LAMA1: variants seen among roughly 807,000 people sequenced by gnomAD.
LAMA1 encodes laminin subunit alpha-1.
A neutral mutation model predicts 348.7 loss-of-function variants in LAMA1; 219 were observed. The ratio of observed to expected loss-of-function variants is 0.63; its 90% CI spans 0.56 to 0.70. The LOEUF (loss-of-function observed/expected upper bound fraction) is 0.70, where lower values mean the gene tolerates loss of function less well. Among genes scored for constraint, LAMA1 ranks in the 30% least tolerant of loss-of-function variants. The probability of loss-of-function intolerance (pLI) is 0.00; values close to 1 mark genes in which losing one functional copy is unlikely to be tolerated. For synonymous variants in LAMA1, 1,487 were observed against 1,491.0 expected (o/e 1.00, Z 0.06); for missense variants, 3,744 against 3,888.0 (o/e 0.96, Z 0.99).
At chr18:7,076,137 G>A (rs1423583073) in intron 3 of LAMA1, among the ~76,000 whole-genome samples, 3 of 152,132 alleles carry the variant, frequency 2.0e-5, no homozygotes, top group Non-Finnish European at 4.4e-5. Flanking sequence ...ACTGGTAGTT[G>A]GCTAATGGCT....
intron 1 of LAMA1, among the ~76,000 whole-genome samples, chr18:7,108,120 G>A (rs1334934880): frequency 2.0e-5 from 3 of 150,606 alleles, no homozygotes; most frequent in African/African-American, 7.3e-5. Context: ...GGTGGATCAC[G>A]AGGTCAGGAG....
intron 1 of LAMA1, among the ~76,000 whole-genome samples, chr18:7,114,639 G>C (rs1044709678): frequency 1.3e-5 from 2 of 152,116 alleles, no homozygotes; most frequent in Non-Finnish European, 2.9e-5. Context: ...TTTACAGACA[G>C]TGAAACTAAA....
At chr18:7,065,903 A>G (rs2058121003) in intron 3 of LAMA1, among the ~76,000 whole-genome samples, 1 of 152,224 alleles carries the variant, frequency 6.6e-6, no homozygotes. Flanking sequence ...GGCCAGAGCG[A>G]GTCAGTGCTT....
At chr18:7,037,890 C>T in intron 11 of LAMA1, 139 bp from the exon 12 acceptor site, 1 of 824,870 alleles carries the variant, frequency 1.2e-6, no homozygotes, top group Non-Finnish European at 2.0e-6. Context: ...ACACCTGTGG[C>T]TGCTGAACCT....
chr18:6,955,590 C>T (rs1400645464), intron 56 of LAMA1, 125 bp from the exon 57 acceptor site: 1 of 720,412 alleles, frequency 1.4e-6, no homozygotes, highest in East Asian at 2.7e-5. Flanking sequence ...ACCACCAGTG[C>T]CTGTTGGCGC....
At chr18:6,985,469 A>C (rs11660907) in intron 38 of LAMA1, 58 bp downstream of exon 38, 366,750 of 1,605,806 alleles carry the variant, frequency 0.23, 44,836 homozygotes, top group Non-Finnish European at 0.26. Context: ...TGCATATAGA[A>C]AAGATGTGTG....
At chr18:7,032,033 G>A (rs940201452) in intron 16 of LAMA1, 33 bp downstream of exon 16, 3 of 1,547,592 alleles carry the variant, frequency 1.9e-6, no homozygotes, top group Admixed American at 3.3e-5. Flanking sequence ...AATTGAGGAG[G>A]AGAGGGCACC....
Position 7,040,112 on chromosome 18 carries a change from G to A in LAMA1, c.1386C>T (p.Ala462=), listed in dbSNP as rs1312089208. The A allele has an allele frequency of 6.2e-7, 1 of 1,613,956 alleles. No homozygotes were observed. The highest frequency in any genetic ancestry group is 1.3e-5 in the African/African-American group (1 of 74,894). Residue 462 remains alanine, a synonymous_variant, in exon 10 of 63, where the codon GCC becomes GCT. Transcript: ENST00000389658. ...VSCGCNPVGS[A]SDEPCTGPCV... is the part of the protein sequence containing the mutation. ...AGGGCCCTGTGCAGGGCTCATCACTGGCACTGCCCACTGGGTTGCACCCAC... is the reference window on the plus strand; with the variant it reads ...AGGGCCCTGTGCAGGGCTCATCACTAGCACTGCCCACTGGGTTGCACCCAC...
At chr18:7,107,525 G>A (rs189121647) in intron 1 of LAMA1, among the ~76,000 whole-genome samples, 211 of 152,112 alleles carry the variant, frequency 1.4e-3, no homozygotes, top group Admixed American at 2.7e-3. Flanking sequence ...AGGCAGCCGA[G>A]AACAGGGCTC....
intron 55 of LAMA1, among the ~76,000 whole-genome samples, chr18:6,958,040 A>G (rs1224906993): frequency 1.3e-5 from 2 of 152,110 alleles, no homozygotes; most frequent in African/African-American, 4.8e-5. Context: ...TTGGACCCCC[A>G]AAGGCTTCTG....
At chr18:7,107,980 C>G (rs757250592) in intron 1 of LAMA1, among the ~76,000 whole-genome samples, 2 of 150,944 alleles carry the variant, frequency 1.3e-5, no homozygotes, top group Non-Finnish European at 2.9e-5. Context: ...CGCCACTGCA[C>G]TCCAGCCTGG....
At chr18:7,107,777 G>A (rs985380249) in intron 1 of LAMA1, among the ~76,000 whole-genome samples, 10 of 152,112 alleles carry the variant, frequency 6.6e-5, no homozygotes, top group African/African-American at 2.4e-4. Flanking sequence ...CACTTTGGGA[G>A]GCTGAGGCGG....
At chr18:7,042,876 C>T (rs1317940859) in intron 8 of LAMA1, 6 of 246,766 alleles carry the variant, frequency 2.4e-5, no homozygotes, top group East Asian at 1.1e-4. Flanking sequence ...AGCGAGACTC[C>T]GTCTCAAAAA....
chr18:7,095,776 A>G (rs2058258487), intron 1 of LAMA1, among the ~76,000 whole-genome samples: 1 of 152,230 alleles, frequency 6.6e-6, no homozygotes, highest in Non-Finnish European at 1.5e-5. Context: ...ATAGCTTGAA[A>G]ACACTTCAGT....
At chr18:7,088,244 G>T (rs4798531) in intron 1 of LAMA1, among the ~76,000 whole-genome samples, 126,938 of 152,106 alleles carry the variant, frequency 0.83, 53,255 homozygotes, top group Non-Finnish European at 0.87. Flanking sequence ...CGTCTCCTCC[G>T]TCCTCCCTGC....
intron 1 of LAMA1, among the ~76,000 whole-genome samples, chr18:7,096,067 C>CA (rs909983401): frequency 3.3e-5 from 5 of 150,714 alleles, no homozygotes; most frequent in African/African-American, 9.7e-5. Flanking sequence ...GACTCCGTCT[C>CA]AAAAAAAAAG....
At position 7,010,296 on chromosome 18, in the gene LAMA1, G is replaced by T; in HGVS notation, c.3777C>A (p.Leu1259=). The change falls in exon 26 of 63, where the codon CTC becomes CTA. Residue 1259 remains leucine, a synonymous_variant. Coordinates refer to ENST00000389658, the MANE Select transcript of LAMA1 (RefSeq NM_005559.4). ...GCTTTCTGATCCGACCACCTTTGAT[G>T]AGAACTTGAGGCTCAAAATTGGAGG... The part of the protein sequence containing the change: ...VGTSNFEPQV[L]IKGGRIRKQV... 1 of 1,614,160 alleles carries T rather than the reference G, an allele frequency of 6.2e-7. No individual in the cohort carries two copies.
At chr18:7,017,979 G>A (rs1006622900) in intron 19 of LAMA1, among the ~76,000 whole-genome samples, 2 of 151,972 alleles carry the variant, frequency 1.3e-5, no homozygotes, top group Non-Finnish European at 2.9e-5. Flanking sequence ...ACAATCTTAC[G>A]GGTCCAAAAT....
At chr18:6,974,865 A>G in intron 46 of LAMA1, 38 bp downstream of exon 46, 7 of 1,612,914 alleles carry the variant, frequency 4.3e-6, no homozygotes, top group East Asian at 2.2e-5. Context: ...GACACACTTT[A>G]AAAAAGAGAG....
Sources: gnomAD v4.1 joint callset for allele counts (sites outside exome capture counted in the v4.1 genomes callset) on GRCh38, gnomAD v4.1.1 for gene constraint, MANE v1.5 for transcripts, NCBI Gene and HGNC (gene_info 2026-07-23, HGNC 2026-07-21) for gene names.